TMCO5A: variants seen among roughly 807,000 people sequenced by gnomAD.
TMCO5A encodes the protein transmembrane and coiled-coil domain-containing protein 5A.
Under a neutral mutation model 42.3 loss-of-function variants are expected in TMCO5A, and 34 were observed. The ratio of observed to expected loss-of-function variants is 0.80; its 90% confidence interval spans 0.61 to 1.07. The LOEUF (loss-of-function observed/expected upper bound fraction) is 1.07. Among genes scored for constraint, TMCO5A ranks in the 50% least tolerant of loss-of-function variants. The probability of loss-of-function intolerance (pLI) is 0.00; values close to 1 mark genes in which losing one functional copy is unlikely to be tolerated. For missense variants in TMCO5A, 357 were observed against 327.9 expected (o/e 1.09, Z -0.69); for synonymous variants, 131 against 115.6 (o/e 1.13, Z -0.86).
the TMCO5A span, among the ~76,000 whole-genome samples, chr15:38,003,491 T>C: frequency 6.6e-6 from 1 of 152,186 alleles, no homozygotes; most frequent in African/African-American, 2.4e-5. Context: ...TGAGTTATCC[T>C]TGGCCCATGG....
chr15:38,003,810 G>C, the TMCO5A span, among the ~76,000 whole-genome samples: 2 of 152,046 alleles, frequency 1.3e-5, no homozygotes, highest in African/African-American at 2.4e-5. Flanking sequence ...CTCCTCTGTG[G>C]CCCAGGAAGG....
the TMCO5A span, among the ~76,000 whole-genome samples, chr15:38,011,237 G>C: frequency 6.6e-6 from 1 of 152,120 alleles, no homozygotes; most frequent in Non-Finnish European, 1.5e-5. Context: ...AGTGAAGAAG[G>C]AACTAAGGAA....
chr15:37,940,017 C>T (rs1889675859), intron 6 of TMCO5A, among the ~76,000 whole-genome samples: 1 of 152,000 alleles, frequency 6.6e-6, no homozygotes, highest in Non-Finnish European at 1.5e-5. Flanking sequence ...GCATCCATTC[C>T]TCTCTACCAC....
At chr15:38,036,000 A>G in the TMCO5A span, among the ~76,000 whole-genome samples, 3 of 152,098 alleles carry the variant, frequency 2.0e-5, no homozygotes, top group African/African-American at 4.8e-5. Flanking sequence ...CCTGTATTCA[A>G]TTTTTATTAA....
chr15:38,034,120 A>T, the TMCO5A span, among the ~76,000 whole-genome samples: 6 of 152,118 alleles, frequency 3.9e-5, no homozygotes, highest in Non-Finnish European at 8.8e-5. Flanking sequence ...GAGAAGACAA[A>T]CACTGTGTGG....
downstream of TMCO5A, among the ~76,000 whole-genome samples, chr15:37,955,030 A>G (rs138231575): frequency 0.028 from 4,045 of 146,914 alleles, 185 homozygotes; most frequent in African/African-American, 0.092. Context: ...AAGAAAAGAA[A>G]GAAGGAAGAG....
intron 11 of TMCO5A, among the ~76,000 whole-genome samples, chr15:37,950,356 A>G (rs1281588988): frequency 1.3e-5 from 2 of 152,300 alleles, no homozygotes; most frequent in Admixed American, 1.3e-4. Context: ...AAGATGGACA[A>G]ACTAGACCCT....
At chr15:37,959,529 C>T (rs547691415) in intron 11 of TMCO5A, among the ~76,000 whole-genome samples, 2 of 151,772 alleles carry the variant, frequency 1.3e-5, no homozygotes, top group East Asian at 1.9e-4. Context: ...AGGGATAGTT[C>T]GACATACACA....
the TMCO5A span, among the ~76,000 whole-genome samples, chr15:37,990,338 A>T: frequency 4.6e-5 from 7 of 152,202 alleles, no homozygotes; most frequent in African/African-American, 1.7e-4. Flanking sequence ...TTTCCTGTAT[A>T]GAAACTTCTA....
At chr15:38,009,241 C>T in the TMCO5A span, among the ~76,000 whole-genome samples, 1 of 152,184 alleles carries the variant, frequency 6.6e-6, no homozygotes, top group African/African-American at 2.4e-5. Context: ...ATCTACTTTT[C>T]CCAGGAAAGC....
At chr15:37,996,782 G>A in the TMCO5A span, among the ~76,000 whole-genome samples, 1 of 152,116 alleles carries the variant, frequency 6.6e-6, no homozygotes, top group Non-Finnish European at 1.5e-5. Flanking sequence ...GGTCCAAAAT[G>A]TCTTCAGACC....
intron 7 of TMCO5A, 43 bp downstream of exon 7, chr15:37,941,248 A>C: frequency 6.3e-7 from 1 of 1,585,448 alleles, no homozygotes. Context: ...CAAAAAGGGA[A>C]ATGTGATCTT....
downstream of TMCO5A, among the ~76,000 whole-genome samples, chr15:37,952,909 A>G (rs1890194942): frequency 6.6e-6 from 1 of 152,220 alleles, no homozygotes; most frequent in Admixed American, 6.5e-5. Context: ...TTAAGGAAAC[A>G]TTAGTGGTAG....
chr15:37,995,867 AC>A, the TMCO5A span, among the ~76,000 whole-genome samples: 1 of 152,092 alleles, frequency 6.6e-6, no homozygotes, highest in Non-Finnish European at 1.5e-5. Context: ...AAACAAACAA[AC>A]AAAACCTGTA....
chr15:38,010,749 GCTTA>G, the TMCO5A span, among the ~76,000 whole-genome samples: 2 of 151,966 alleles, frequency 1.3e-5, no homozygotes, highest in East Asian at 1.9e-4. Context: ...TTATTTATTT[GCTTA>G]CTTATTTATT....
intron 10 of TMCO5A, among the ~76,000 whole-genome samples, chr15:37,945,259 CT>C (rs1889905389): frequency 6.6e-6 from 1 of 152,032 alleles, no homozygotes; most frequent in African/African-American, 2.4e-5. Flanking sequence ...ATCACATATT[CT>C]TTATCCAGTC....
intron 10 of TMCO5A, among the ~76,000 whole-genome samples, chr15:37,946,331 G>T (rs1351372122): frequency 6.6e-6 from 1 of 152,112 alleles, no homozygotes; most frequent in Non-Finnish European, 1.5e-5. Flanking sequence ...GCTTAGGGTT[G>T]TCTTGGCTAT....
chr15:38,032,140 A>G, the TMCO5A span, among the ~76,000 whole-genome samples: 1 of 152,008 alleles, frequency 6.6e-6, no homozygotes, highest in South Asian at 2.1e-4. Flanking sequence ...TTTTTAGTAG[A>G]GACAGGTTTT....
At chr15:38,028,741 AAAGCAGCAATGGT>A in the TMCO5A span, among the ~76,000 whole-genome samples, 1 of 152,168 alleles carries the variant, frequency 6.6e-6, no homozygotes, top group East Asian at 1.9e-4. Context: ...TAGTGTCTGA[AAAGCAGCAATGGT>A]AGAAGGTAGT....
Sources: gnomAD v4.1 joint callset for allele counts (sites outside exome capture counted in the v4.1 genomes callset) on GRCh38, gnomAD v4.1.1 for gene constraint, MANE v1.5 for transcripts, NCBI Gene and HGNC (gene_info 2026-07-23, HGNC 2026-07-21) for gene names.